Variants in FSIP1 observed in about 807,000 individuals in gnomAD.
The protein encoded by FSIP1 is fibrous sheath interacting protein 1, also known as fibrous sheath-interacting protein 1.
Under a neutral mutation model 60.9 loss-of-function variants are expected in FSIP1, and 65 were observed. The ratio of observed to expected loss-of-function variants is 1.07; its 90% CI spans 0.87 to 1.31. The LOEUF is 1.31. Ranked by LOEUF, FSIP1 falls within the 40% of genes most tolerant of loss-of-function variation. The pLI, the probability that FSIP1 is intolerant of heterozygous loss-of-function variation, is 0.00. For synonymous variants in FSIP1, 209 were observed against 221.2 expected (o/e 0.94, Z 0.49); for missense variants, 675 against 665.5 (o/e 1.01, Z -0.16).
chr15:39,656,042 T>A (rs2411310), intron 10 of FSIP1, among the ~76,000 whole-genome samples: 5 of 151,894 alleles, frequency 3.3e-5, no homozygotes, highest in Non-Finnish European at 7.4e-5. Context: ...TTCAAAGGGC[T>A]CTGAATGCCA....
At position 39,739,784 on chromosome 15, in the gene FSIP1, T is replaced by TA; in HGVS notation, c.660dup (p.Thr221TyrfsTer3). The TA allele has an allele frequency of 6.4e-7, 1 of 1,551,434 alleles. No homozygotes were observed. Among genetic ancestry groups the TA allele is most frequent in the East Asian group, 2.3e-5 (1 of 43,326 alleles). ...GACTCATTTCTTTCCACATCACAGG[T>TA]AAAATCTAATATTAAAAAAGTTCAA... On this transcript the variant is annotated frameshift_variant, in exon 7 of 12. Coordinates refer to ENST00000350221, the MANE Select transcript of FSIP1 (RefSeq NM_152597.5). LOFTEE classifies it high-confidence loss of function.
intron 2 of FSIP1, among the ~76,000 whole-genome samples, chr15:39,771,275 C>T (rs943276068): frequency 6.6e-6 from 1 of 152,102 alleles, no homozygotes; most frequent in African/African-American, 2.4e-5. Context: ...TTAACACAGC[C>T]CAAGGGAGAC....
chr15:39,726,979 G>A (rs993148394), intron 8 of FSIP1, among the ~76,000 whole-genome samples: 39 of 152,106 alleles, frequency 2.6e-4, no homozygotes, highest in African/African-American at 9.4e-4. Flanking sequence ...ATATTTTAAG[G>A]GGGGTTTCCC....
chr15:39,685,674 G>T (rs1894336866), intron 10 of FSIP1, among the ~76,000 whole-genome samples: 1 of 152,124 alleles, frequency 6.6e-6, no homozygotes, highest in African/African-American at 2.4e-5. Flanking sequence ...CTCTAATGAG[G>T]TATGTGCTTA....
Position 39,684,440 on chromosome 15 carries a change from CA to C in FSIP1, c.1188+29003del, listed in dbSNP as rs375822237. ...AATGCTTGGCATAGAGCACATAGTCCATAAATAGCTGCTCAATGAATAAAAA... is the reference window on the plus strand; with the variant it reads ...AATGCTTGGCATAGAGCACATAGTCCTAAATAGCTGCTCAATGAATAAAAA... On this transcript the variant is annotated intron_variant, in intron 10 of 11. Coordinates refer to ENST00000350221, the MANE Select transcript of FSIP1 (RefSeq NM_152597.5). 3.6e-3 allele frequency among the ~76,000 whole-genome samples: 545 copies of C among 152,246 alleles called. 3 individuals carry two copies. The highest frequency in any genetic ancestry group is 0.013 in the African/African-American group (521 of 41,542).
chr15:39,675,425 G>A (rs186910991), intron 10 of FSIP1, among the ~76,000 whole-genome samples: 30 of 152,040 alleles, frequency 2.0e-4, no homozygotes, highest in African/African-American at 7.0e-4. Context: ...CATTCATAAC[G>A]AAAATCTGAA....
intron 11 of FSIP1, among the ~76,000 whole-genome samples, chr15:39,615,728 CAAAA>C (rs35259437): frequency 1.0e-4 from 12 of 119,818 alleles, no homozygotes; most frequent in Non-Finnish European, 1.7e-4. Context: ...ACTAAAAATA[CAAAA>C]AAAAAAAAAA....
In FSIP1 at chr15:39,617,865, C is replaced by T. The variant is rs1267182511; in HGVS notation, c.1569G>A (p.Met523Ile). Residue 523 changes from methionine to isoleucine, a missense_variant, in exon 11 of 12, where the codon ATG becomes ATA. Physicochemically the swap from Met to Ile is conservative, Grantham distance 10. Transcript: ENST00000350221. Reference protein sequence around the residue: ...VIISDTKDYFMSKTLGIGRLK... With the variant: ...VIISDTKDYFISKTLGIGRLK... ...GTCTCCCAATGCCAAGAGTCTTCGA[C>T]ATAAAATAGTCTTTTGTGTCACTAA... is the stretch of plus-strand genomic sequence containing the variant. 2 of 1,614,138 alleles carry T rather than the reference C, an allele frequency of 1.2e-6. No individual in the cohort carries two copies. The highest frequency in any genetic ancestry group is 1.7e-6 in the Non-Finnish European group (2 of 1,180,014).
intron 10 of FSIP1, among the ~76,000 whole-genome samples, chr15:39,636,380 C>G (rs921325250): frequency 6.6e-6 from 1 of 152,108 alleles, no homozygotes. Context: ...TTTTTAGCAC[C>G]ATAAGCTATC....
chr15:39,722,683 C>A (rs77059390), intron 9 of FSIP1, among the ~76,000 whole-genome samples: 2,621 of 152,218 alleles, frequency 0.017, 77 homozygotes, highest in African/African-American at 0.06. Context: ...TGAATCTGGG[C>A]ACTTTGGGAG....
At chr15:39,717,023 C>A (rs2140564315) in intron 9 of FSIP1, among the ~76,000 whole-genome samples, 1 of 152,032 alleles carries the variant, frequency 6.6e-6, no homozygotes, top group East Asian at 1.9e-4. Flanking sequence ...CCATGTTGGC[C>A]AGGATGGTCT....
Position 39,716,902 on chromosome 15 carries a change from C to T in FSIP1, c.1051-3321G>A, listed in dbSNP as rs1895763969. On this transcript the variant is annotated intron_variant, in intron 9 of 11. Transcript: ENST00000350221. ...CAATCCTGGCTCCCGGCAACCTCTGCCTCCCGGGTTCAAGCGATTCTCCTG... is the reference window on the plus strand; with the variant it reads ...CAATCCTGGCTCCCGGCAACCTCTGTCTCCCGGGTTCAAGCGATTCTCCTG... Among the ~76,000 whole-genome samples the T allele has an allele frequency of 1.3e-5, 2 of 148,756 alleles. 1 individual carries two copies. The highest frequency in any genetic ancestry group is 1.4e-4 in the Admixed American group (2 of 14,602).
At chr15:39,766,859 A>G (rs1424332118) in intron 3 of FSIP1, among the ~76,000 whole-genome samples, 1 of 152,108 alleles carries the variant, frequency 6.6e-6, no homozygotes, top group Non-Finnish European at 1.5e-5. Context: ...TTTTTTTAAG[A>G]GACAGGATCT....
chr15:39,770,010 A>G (rs1039331720), intron 3 of FSIP1, among the ~76,000 whole-genome samples: 1 of 152,212 alleles, frequency 6.6e-6, no homozygotes, highest in Non-Finnish European at 1.5e-5. Flanking sequence ...TTCTAATTCA[A>G]TCTGACTAGA....
intron 9 of FSIP1, among the ~76,000 whole-genome samples, chr15:39,714,194 C>A (rs16969678): frequency 6.6e-6 from 1 of 152,168 alleles, no homozygotes; most frequent in East Asian, 1.9e-4. Flanking sequence ...CAAACAAATG[C>A]GAGCTGAATA....
intron 8 of FSIP1, among the ~76,000 whole-genome samples, chr15:39,734,787 A>C (rs1896545677): frequency 6.6e-6 from 1 of 152,124 alleles, no homozygotes; most frequent in Non-Finnish European, 1.5e-5. Flanking sequence ...AATATGAGCA[A>C]ATTAAATATG....
chr15:39,734,126 C>T (rs772166445), intron 8 of FSIP1, among the ~76,000 whole-genome samples: 10 of 152,092 alleles, frequency 6.6e-5, no homozygotes, highest in African/African-American at 9.7e-5. Context: ...AAATTGTGAA[C>T]TCCAAAATAA....
At chr15:39,600,985 G>T in intron 11 of FSIP1, 59 bp from the exon 12 acceptor site, 1 of 1,302,584 alleles carries the variant, frequency 7.7e-7, no homozygotes. Context: ...GCATAATTAA[G>T]AAAAACAACT....
intron 10 of FSIP1, among the ~76,000 whole-genome samples, chr15:39,710,459 A>C (rs1895459110): frequency 6.6e-6 from 1 of 151,990 alleles, no homozygotes; most frequent in Non-Finnish European, 1.5e-5. Flanking sequence ...AAAAAAAAAA[A>C]AACATAAAAC....
Sources: allele counts gnomAD v4.1 joint callset (sites outside exome capture counted in the v4.1 genomes callset), GRCh38; gene constraint gnomAD v4.1.1; transcripts MANE v1.5; gene names NCBI Gene and HGNC (gene_info 2026-07-23, HGNC 2026-07-21).